Variants in DPP6 observed in about 807,000 individuals in gnomAD.
DPP6 encodes dipeptidyl peptidase like 6, also known as A-type potassium channel modulatory protein DPP6.
A neutral mutation model predicts 122.6 loss-of-function variants in DPP6; 69 were observed. That is an observed-to-expected ratio of 0.56 (90% CI 0.46 to 0.69). DPP6 has a LOEUF of 0.69. Ranked by LOEUF, DPP6 falls within the 30% of genes least tolerant of loss-of-function variation. The pLI is 0.00. For synonymous variants in DPP6, 418 were observed against 433.1 expected (o/e 0.97, Z 0.43); for missense variants, 928 against 1,116.9 (o/e 0.83, Z 2.41).
chr7:154,100,710 C>G (rs1346029117), intron 1 of DPP6, among the ~76,000 whole-genome samples: 2 of 96,598 alleles, frequency 2.1e-5, no homozygotes, highest in Admixed American at 1.1e-4. Flanking sequence ...TCCCAACATG[C>G]CTTTCCAGCC....
chr7:154,585,836 G>A (rs1307467008), intron 5 of DPP6, among the ~76,000 whole-genome samples: 1 of 152,162 alleles, frequency 6.6e-6, no homozygotes, highest in African/African-American at 2.4e-5. Flanking sequence ...ACAATACTCA[G>A]GGCCGACTGT....
At chr7:154,377,794 C>T (rs2052217) in intron 1 of DPP6, among the ~76,000 whole-genome samples, 72,489 of 152,078 alleles carry the variant, frequency 0.48, 19,853 homozygotes, top group East Asian at 0.63. Flanking sequence ...GTTAGCTCTT[C>T]ATAGCAGTAT....
At chr7:154,306,771 C>T (rs968130590) in intron 1 of DPP6, among the ~76,000 whole-genome samples, 14 of 152,074 alleles carry the variant, frequency 9.2e-5, no homozygotes, top group African/African-American at 2.7e-4. Context: ...TCTGTAAATA[C>T]GGACATTAAA....
At chr7:154,338,482 C>T (rs995624521) in intron 1 of DPP6, among the ~76,000 whole-genome samples, 7 of 152,136 alleles carry the variant, frequency 4.6e-5, no homozygotes, top group Non-Finnish European at 1.0e-4. Flanking sequence ...AGGTACTTAA[C>T]AGCATGCAAA....
At chr7:153,902,680 C>CA (rs1799687666) in intron 1 of DPP6, among the ~76,000 whole-genome samples, 2 of 151,850 alleles carry the variant, frequency 1.3e-5, no homozygotes, top group South Asian at 4.2e-4. Context: ...ACTAAAAATA[C>CA]AAAAAATTAG....
upstream of DPP6, among the ~76,000 whole-genome samples, chr7:153,882,227 T>C (rs150201062): frequency 6.6e-6 from 1 of 152,232 alleles, no homozygotes; most frequent in Admixed American, 6.5e-5. Flanking sequence ...TGAAAATTTA[T>C]GGGTAAATTA....
chr7:154,127,652 G>C (rs6464384), intron 1 of DPP6, among the ~76,000 whole-genome samples: 9,493 of 78,626 alleles, frequency 0.12, 965 homozygotes, highest in African/African-American at 0.27. Context: ...CACACACACA[G>C]ACACACACAC....
upstream of DPP6, among the ~76,000 whole-genome samples, chr7:153,882,297 T>C (rs1166726201): frequency 6.6e-6 from 1 of 152,168 alleles, no homozygotes; most frequent in African/African-American, 2.4e-5. Context: ...TTAAAGAACA[T>C]CAGTAATGAA....
chr7:154,608,696 T>TA (rs1481685386), intron 5 of DPP6, among the ~76,000 whole-genome samples: 1 of 152,064 alleles, frequency 6.6e-6, no homozygotes, highest in African/African-American at 2.4e-5. Context: ...TTTCATGTTA[T>TA]TGCTCTTGGG....
chr7:154,187,809 G>T (rs1460955788), intron 1 of DPP6, among the ~76,000 whole-genome samples: 1 of 151,606 alleles, frequency 6.6e-6, no homozygotes, highest in Non-Finnish European at 1.5e-5. Context: ...CTGCATGTCA[G>T]TAGTACATTA....
At chr7:154,193,277 G>T (rs1251494197) in intron 1 of DPP6, among the ~76,000 whole-genome samples, 1 of 152,198 alleles carries the variant, frequency 6.6e-6, no homozygotes, top group Non-Finnish European at 1.5e-5. Flanking sequence ...AGACATCTTG[G>T]AAGTGATAGG....
intron 2 of DPP6, among the ~76,000 whole-genome samples, chr7:154,463,736 T>C (rs1821537017): frequency 6.7e-6 from 1 of 149,946 alleles, no homozygotes; most frequent in Non-Finnish European, 1.5e-5. Flanking sequence ...CAGGGTATGT[T>C]TAGAAATGTC....
At position 154,498,537 on chromosome 7, in the gene DPP6, C is replaced by A. The variant is rs549436958; in HGVS notation, c.457+23500C>A. Among the ~76,000 whole-genome samples, 3 of 152,200 alleles carry A rather than the reference C, an allele frequency of 2.0e-5. No homozygotes were observed. The South Asian group carries it at 6.2e-4, about 32-fold the overall frequency. On this transcript the variant is annotated intron_variant, in intron 3 of 25. Transcript: ENST00000377770. ...ATTTTTAGTAGAGATGGGGTTTCACCATGTTGGCCAGGCTGGTCTCGAACT... is the reference window on the plus strand; with the variant it reads ...ATTTTTAGTAGAGATGGGGTTTCACAATGTTGGCCAGGCTGGTCTCGAACT...
intron 3 of DPP6, among the ~76,000 whole-genome samples, chr7:154,510,694 C>CA (rs67365097): frequency 0.096 from 12,928 of 133,982 alleles, 606 homozygotes; most frequent in Non-Finnish European, 0.11. Flanking sequence ...CCAGGTGTCT[C>CA]AAAAAAAAAA....
chr7:153,974,264 C>T (rs1796183769), intron 1 of DPP6, among the ~76,000 whole-genome samples: 1 of 152,116 alleles, frequency 6.6e-6, no homozygotes, highest in Non-Finnish European at 1.5e-5. Context: ...TGGGCTCATT[C>T]AGTGTGTGGC....
chr7:154,289,541 A>G (rs1805069534), intron 1 of DPP6, among the ~76,000 whole-genome samples: 1 of 152,208 alleles, frequency 6.6e-6, no homozygotes, highest in African/African-American at 2.4e-5. Context: ...TAAGCCCTAA[A>G]TAAGGTGTCA....
chr7:154,379,938 A>T lies in DPP6; in HGVS notation c.244-66276A>T, dbSNP rs1475408524. On this transcript the variant is annotated intron_variant, in intron 1 of 25. Coordinates refer to ENST00000377770, the MANE Select transcript of DPP6 (RefSeq NM_130797.4). ...TGCCCAAAATGTTTAAGTGAATCTAATCATGAGGAAACAAGCAGAGAAATC... is the reference window on the plus strand; with the variant it reads ...TGCCCAAAATGTTTAAGTGAATCTATTCATGAGGAAACAAGCAGAGAAATC... Among the ~76,000 whole-genome samples the T allele has an allele frequency of 2.0e-5, 3 of 152,316 alleles. No homozygotes were observed. The East Asian group carries it at 5.8e-4, about 29-fold the overall frequency.
intron 1 of DPP6, among the ~76,000 whole-genome samples, chr7:154,402,088 T>C (rs1171725712): frequency 6.6e-6 from 1 of 151,418 alleles, no homozygotes; most frequent in Non-Finnish European, 1.5e-5. Flanking sequence ...CATTAAAAAG[T>C]CAGGAAACAA....
rs146295891 is a variant in DPP6, at chr7:154,685,284, C to G, written c.762+15843C>G. On this transcript the variant is annotated intron_variant, in intron 7 of 25. Coordinates refer to ENST00000377770, the MANE Select transcript of DPP6 (RefSeq NM_130797.4). ...ATAACCCTAAAATTTTACTAGCCAA[C>G]GGTTCAACAGCCTGGTACACATTTA... 3.6e-3 allele frequency among the ~76,000 whole-genome samples: 548 copies of G among 152,320 alleles called. 3 individuals are homozygous for G. The highest frequency in any genetic ancestry group is 0.013 in the African/African-American group (525 of 41,574).
Sources: allele counts gnomAD v4.1 joint callset (sites outside exome capture counted in the v4.1 genomes callset), GRCh38; gene constraint gnomAD v4.1.1; transcripts MANE v1.5; gene names NCBI Gene and HGNC (gene_info 2026-07-23, HGNC 2026-07-21).